The following ZNF345 variants were observed in gnomAD, a reference collection of about 807,000 sequenced individuals.
ZNF345 encodes the protein zinc finger protein 345.
For missense variants in ZNF345, 527 were observed against 589.9 expected, an observed-to-expected ratio of 0.89 and a Z score of 1.10; for synonymous variants, 166 against 187.9, an observed-to-expected ratio of 0.88 and a Z score of 0.95.
At chr19:36,853,232 GCTTT>G (rs1391330024) in intron 2 of ZNF345, among the ~76,000 whole-genome samples, 16 of 143,594 alleles carry the variant, frequency 1.1e-4, no homozygotes, top group Admixed American at 2.8e-4. Flanking sequence ...CCAAAAGCTT[GCTTT>G]CTTTCTTTCT....
Position 36,892,903 on chromosome 19 carries a change from GC to G in ZNF345, c.135del (p.Arg46GlyfsTer4). On this transcript the variant is annotated frameshift_variant, in exon 4 of 4. Transcript: ENST00000526123. LOFTEE classifies it high-confidence loss of function. ...GCTCCGACTGCAAGGCCATCAGCAT[GC>G]CCAGGCAGGGGTTAAGCTGGAGGGC... 3.5e-6 allele frequency: 4 copies of G among 1,145,728 alleles called. No individual in the cohort carries two copies. Among genetic ancestry groups the G allele is most frequent in the Non-Finnish European group, 4.4e-6 (4 of 901,144 alleles). 71.0% of individuals were successfully genotyped at this position (1,145,728 alleles called of 1,614,324 possible). A position where few individuals can be genotyped will look rare whatever the true frequency, so the allele number is the denominator to read the frequency against.
intron 2 of ZNF345, among the ~76,000 whole-genome samples, chr19:36,876,230 A>G (rs826278): frequency 0.76 from 115,034 of 152,110 alleles, 43,931 homozygotes; most frequent in East Asian, 0.92. Context: ...CATTTAGCAC[A>G]TTAGTCTTTC....
intron 2 of ZNF345, among the ~76,000 whole-genome samples, chr19:36,872,005 G>T (rs2072780837): frequency 1.3e-5 from 2 of 152,092 alleles, no homozygotes; most frequent in South Asian, 4.1e-4. Flanking sequence ...GACCTCAGGT[G>T]ATCTGCCCAA....
rs919148631 is a variant in ZNF345, at chr19:36,892,138, C to A, written c.47-680C>A. The stretch of plus-strand genomic sequence containing the variant: ...ATATGAACTACAACTAAAAGCCTTG[C>A]CACATTCCTTACATTCATAGGGTTT... On this transcript the variant is annotated intron_variant, in intron 3 of 3. Coordinates refer to the ZNF345 transcript ENST00000526123. 5 of 1,613,908 alleles carry A rather than the reference C, an allele frequency of 3.1e-6. No individual in the cohort carries two copies. The African/African-American group carries it at 5.3e-5, about 17-fold the overall frequency.
chr19:36,866,573 A>G (rs1459079611), intron 2 of ZNF345, among the ~76,000 whole-genome samples: 1 of 152,028 alleles, frequency 6.6e-6, no homozygotes, highest in Non-Finnish European at 1.5e-5. Context: ...CTTTTTTGAG[A>G]CAGTCTCACT....
chr19:36,882,061 T>TA (rs74556601), downstream of ZNF345, among the ~76,000 whole-genome samples: 18 of 151,294 alleles, frequency 1.2e-4, no homozygotes, highest in South Asian at 4.2e-4. Flanking sequence ...GTTTTTTTTT[T>TA]AAAAAAAACC....
chr19:36,861,060 T>G (rs1358458418), intron 2 of ZNF345, among the ~76,000 whole-genome samples: 1 of 152,222 alleles, frequency 6.6e-6, no homozygotes, highest in African/African-American at 2.4e-5. Flanking sequence ...TATGAATTCA[T>G]AGATGTTTAC....
intron 3 of ZNF345, among the ~76,000 whole-genome samples, chr19:36,887,230 C>T (rs1423018816): frequency 6.6e-6 from 1 of 152,022 alleles, no homozygotes; most frequent in Non-Finnish European, 1.5e-5. Context: ...AAGAAACTGT[C>T]ACAGCCAACA....
At chr19:36,883,638 C>A (rs2072981015), downstream of ZNF345, among the ~76,000 whole-genome samples, 1 of 152,202 alleles carries the variant, frequency 6.6e-6, no homozygotes, top group South Asian at 2.1e-4. Flanking sequence ...CTTTGTGCTG[C>A]TTTGCTATTA....
chr19:36,868,072 T>C (rs518196), intron 2 of ZNF345, among the ~76,000 whole-genome samples: 112,979 of 150,098 alleles, frequency 0.75, 42,838 homozygotes, highest in East Asian at 0.85. Flanking sequence ...GTGAAATCTC[T>C]GCTCACTGCA....
At chr19:36,883,288 C>T (rs2072979076), downstream of ZNF345, among the ~76,000 whole-genome samples, 1 of 152,200 alleles carries the variant, frequency 6.6e-6, no homozygotes, top group South Asian at 2.1e-4. Flanking sequence ...CTCTGTTGCT[C>T]TTTCCTATGT....
chr19:36,889,986 C>A (rs374160492), intron 3 of ZNF345: 2 of 152,056 alleles, frequency 1.3e-5, no homozygotes, highest in Non-Finnish European at 2.9e-5. Context: ...TCATTTATTT[C>A]AAAAAATTTT....
At chr19:36,864,622 G>C (rs1303174771) in intron 2 of ZNF345, among the ~76,000 whole-genome samples, 1 of 152,144 alleles carries the variant, frequency 6.6e-6, no homozygotes, top group Non-Finnish European at 1.5e-5. Flanking sequence ...CCTTGTTGGA[G>C]AGTGCACATC....
chr19:36,873,999 C>G (rs1222057403), intron 2 of ZNF345, among the ~76,000 whole-genome samples: 1 of 152,072 alleles, frequency 6.6e-6, no homozygotes, highest in Non-Finnish European at 1.5e-5. Flanking sequence ...CCCTAAGAAG[C>G]TGTATGCTAT....
intron 2 of ZNF345, among the ~76,000 whole-genome samples, chr19:36,859,461 T>C (rs1408648079): frequency 1.3e-5 from 2 of 151,964 alleles, no homozygotes; most frequent in Non-Finnish European, 2.9e-5. Context: ...CAGACTTTTA[T>C]GTTTTATTTT....
chr19:36,855,801 T>A (rs2072406245), intron 2 of ZNF345, among the ~76,000 whole-genome samples: 1 of 152,218 alleles, frequency 6.6e-6, no homozygotes, highest in Non-Finnish European at 1.5e-5. Context: ...TCACCTCCAC[T>A]GTGCTGTGTG....
intron 2 of ZNF345, among the ~76,000 whole-genome samples, chr19:36,861,777 G>C (rs1830312905): frequency 6.6e-6 from 1 of 151,256 alleles, no homozygotes; most frequent in Admixed American, 6.6e-5. Flanking sequence ...GGCCAGGATG[G>C]TCTTGATCTC....
Position 36,877,651 on chromosome 19 carries a change from C to G in ZNF345, c.821C>G (p.Thr274Ser). ...GCCTTTAGTTTTGGATCAGCCCTTA[C>G]TCGACATCAAAGAATTCATACTGGT... The part of the protein sequence containing the change: ...GKAFSFGSAL[T>S]RHQRIHTGEK... The change falls in exon 3 of 3, where the codon ACT (threonine) becomes AGT (serine). Residue 274 changes from threonine (T) to serine (S), a missense_variant. Thr to Ser is a moderately conservative substitution (Grantham distance 58). Transcript: ENST00000420450. 6.2e-7 allele frequency: 1 copy of G among 1,613,820 alleles called. No individual in the cohort carries two copies. Among genetic ancestry groups the G allele is most frequent in the African/African-American group, 1.3e-5 (1 of 74,936 alleles).
intron 2 of ZNF345, among the ~76,000 whole-genome samples, chr19:36,857,529 G>A (rs1238164512): frequency 2.0e-5 from 3 of 151,802 alleles, no homozygotes; most frequent in Admixed American, 6.6e-5. Context: ...GGCTGGTCCC[G>A]AACTCCCGAC....
Sources: gnomAD v4.1 joint callset for allele counts (sites outside exome capture counted in the v4.1 genomes callset) on GRCh38, gnomAD v4.1.1 for gene constraint, MANE v1.5 for transcripts, NCBI Gene and HGNC (gene_info 2026-07-23, HGNC 2026-07-21) for gene names.